DCC: variants seen among roughly 807,000 people sequenced by gnomAD.
The protein encoded by DCC is netrin receptor DCC.
In DCC, 58 loss-of-function variants were observed where a neutral mutation model predicts 172.5. The observed-to-expected ratio is 0.34, with a 90% confidence interval of 0.27 to 0.42. The LOEUF (loss-of-function observed/expected upper bound fraction) is 0.42, where lower values mean the gene tolerates loss of function less well. Among genes scored for constraint, DCC ranks in the 10% least tolerant of loss-of-function variants. The probability of loss-of-function intolerance (pLI) is 1.00; values close to 1 mark genes in which losing one functional copy is unlikely to be tolerated. For missense variants in DCC, 1,740 were observed against 1,791.0 expected, an observed-to-expected ratio of 0.97 and a Z score of 0.51; for synonymous variants, 709 against 644.5, an observed-to-expected ratio of 1.10 and a Z score of -1.52.
At chr18:53,206,796 C>A (rs948484927) in intron 10 of DCC, among the ~76,000 whole-genome samples, 9 of 151,080 alleles carry the variant, frequency 6.0e-5, no homozygotes, top group African/African-American at 1.9e-4. Context: ...TATGGGAGTT[C>A]TTATTATTTG....
At chr18:53,040,912 A>G (rs1159501750) in intron 5 of DCC, among the ~76,000 whole-genome samples, 3 of 151,934 alleles carry the variant, frequency 2.0e-5, no homozygotes, top group Non-Finnish European at 4.4e-5. Flanking sequence ...TGCAGGCAGT[A>G]AGAATGCCAA....
chr18:53,442,334 T>A (rs1265032886), intron 22 of DCC, among the ~76,000 whole-genome samples: 1 of 152,236 alleles, frequency 6.6e-6, no homozygotes, highest in Non-Finnish European at 1.5e-5. Flanking sequence ...TTTTCTAATA[T>A]TTCAAACTTT....
At chr18:53,168,811 CA>C (rs2054965953) in intron 8 of DCC, among the ~76,000 whole-genome samples, 1 of 152,048 alleles carries the variant, frequency 6.6e-6, no homozygotes, top group Non-Finnish European at 1.5e-5. Flanking sequence ...CGGCTCATTG[CA>C]GATGACTGTG....
chr18:52,655,454 A>G (rs374876479), intron 1 of DCC, among the ~76,000 whole-genome samples: 3 of 152,296 alleles, frequency 2.0e-5, no homozygotes, highest in African/African-American at 7.2e-5. Context: ...GTGACCTTGG[A>G]CAAATGGACA....
chr18:52,918,243 A>C (rs997633162), intron 3 of DCC, among the ~76,000 whole-genome samples: 1 of 152,150 alleles, frequency 6.6e-6, no homozygotes, highest in African/African-American at 2.4e-5. Context: ...AAAAGTCTTT[A>C]TATTCTATTA....
chr18:53,346,030 G>C (rs972155168), intron 15 of DCC, among the ~76,000 whole-genome samples: 2 of 151,908 alleles, frequency 1.3e-5, no homozygotes, highest in Non-Finnish European at 2.9e-5. Flanking sequence ...ATGTGGTTCT[G>C]TTGGCCAGGT....
chr18:52,353,196 C>T (rs143907429), intron 1 of DCC, among the ~76,000 whole-genome samples: 278 of 152,280 alleles, frequency 1.8e-3, no homozygotes, highest in African/African-American at 6.3e-3. Flanking sequence ...GACCATGACA[C>T]GTTTCATTTT....
At chr18:52,676,337 G>C (rs115142532) in intron 1 of DCC, among the ~76,000 whole-genome samples, 258 of 152,302 alleles carry the variant, frequency 1.7e-3, no homozygotes, top group African/African-American at 5.9e-3. Flanking sequence ...CATCATTATA[G>C]TAAGTTCCTA....
At chr18:52,815,950 G>A (rs533377101) in intron 2 of DCC, among the ~76,000 whole-genome samples, 1 of 152,290 alleles carries the variant, frequency 6.6e-6, no homozygotes, top group Non-Finnish European at 1.5e-5. Context: ...TTAGGCTACA[G>A]ATAGTGACCT....
chr18:52,584,204 G>T (rs564141973), intron 1 of DCC, among the ~76,000 whole-genome samples: 2 of 152,278 alleles, frequency 1.3e-5, no homozygotes, highest in Admixed American at 1.3e-4. Flanking sequence ...AGGTGAGTGG[G>T]ATACCAGGAA....
rs1232580776 is a variant in DCC, at chr18:52,812,748, T to A, written c.412+60374T>A. On this transcript the variant is annotated intron_variant, in intron 2 of 28. Coordinates refer to ENST00000442544, the MANE Select transcript of DCC (RefSeq NM_005215.4). ...AGGTAATGGGGGTCTGGGTTTCGGC[T>A]GTCTCACATTATGTACTTGCTGCTC... 3.3e-5 allele frequency among the ~76,000 whole-genome samples: 5 copies of A among 152,232 alleles called. No homozygotes were observed. In the East Asian group the frequency reaches 9.6e-4, roughly 29 times the overall value.
intron 5 of DCC, among the ~76,000 whole-genome samples, chr18:52,967,790 C>A (rs751371074): frequency 2.6e-5 from 4 of 151,908 alleles, no homozygotes; most frequent in African/African-American, 9.7e-5. Context: ...AAATGTAACC[C>A]GTATGTAACA....
At chr18:52,915,259 C>G (rs1019981199) in intron 3 of DCC, among the ~76,000 whole-genome samples, 14 of 152,044 alleles carry the variant, frequency 9.2e-5, no homozygotes, top group African/African-American at 3.4e-4. Context: ...AGCATAAATT[C>G]TTGTTTACTC....
At chr18:52,611,002 C>G (rs1397486847) in intron 1 of DCC, among the ~76,000 whole-genome samples, 1 of 152,140 alleles carries the variant, frequency 6.6e-6, no homozygotes, top group Non-Finnish European at 1.5e-5. Flanking sequence ...CCCCTTTTGA[C>G]AGAGATTTAG....
At chr18:52,800,586 G>C (rs1458500850) in intron 2 of DCC, among the ~76,000 whole-genome samples, 1 of 152,160 alleles carries the variant, frequency 6.6e-6, no homozygotes, top group Non-Finnish European at 1.5e-5. Context: ...GGTGAGGTTA[G>C]ATGCAGATAA....
chr18:53,033,794 T>C (rs953826031), intron 5 of DCC, among the ~76,000 whole-genome samples: 6 of 152,168 alleles, frequency 3.9e-5, no homozygotes, highest in Non-Finnish European at 8.8e-5. Flanking sequence ...ATAAAACTTC[T>C]CTATAATGTA....
At chr18:52,498,154 A>G (rs2030876027) in intron 1 of DCC, among the ~76,000 whole-genome samples, 1 of 152,146 alleles carries the variant, frequency 6.6e-6, no homozygotes, top group African/African-American at 2.4e-5. Flanking sequence ...AAAAATGTAA[A>G]ATCCATTCTT....
intron 1 of DCC, among the ~76,000 whole-genome samples, chr18:52,519,290 C>T (rs546662036): frequency 7.6e-4 from 115 of 152,294 alleles, no homozygotes; most frequent in Non-Finnish European, 1.2e-3. Flanking sequence ...TAAGGTCTTG[C>T]ATGCCTCAAG....
intron 1 of DCC, among the ~76,000 whole-genome samples, chr18:52,410,732 G>A (rs1259539483): frequency 6.6e-6 from 1 of 152,056 alleles, no homozygotes; most frequent in African/African-American, 2.4e-5. Flanking sequence ...CACAACACTA[G>A]TTAATTGGTT....
Sources: gnomAD v4.1 joint callset for allele counts (sites outside exome capture counted in the v4.1 genomes callset) on GRCh38, gnomAD v4.1.1 for gene constraint, MANE v1.5 for transcripts, NCBI Gene and HGNC (gene_info 2026-07-23, HGNC 2026-07-21) for gene names.